Variants in COL26A1 observed in about 807,000 individuals in gnomAD.
The protein encoded by COL26A1 is collagen alpha-1(XXVI) chain.
COL26A1 carries 41 observed loss-of-function variants against 59.3 expected under a neutral mutation model. The observed-to-expected ratio is 0.69, with a 90% CI of 0.54 to 0.90. The LOEUF is 0.90. Among genes scored for constraint, COL26A1 ranks in the 40% least tolerant of loss-of-function variants. COL26A1 has a pLI of 0.00. For missense variants in COL26A1, 612 were observed against 602.3 expected, an observed-to-expected ratio of 1.02 and a Z score of -0.17; for synonymous variants, 266 against 256.0, an observed-to-expected ratio of 1.04 and a Z score of -0.37.
At chr7:101,388,687 C>A (rs1037846024) in intron 1 of COL26A1, among the ~76,000 whole-genome samples, 4 of 151,968 alleles carry the variant, frequency 2.6e-5, no homozygotes, top group African/African-American at 4.8e-5. Context: ...CCTCAGCCCC[C>A]CAACTAGCTG....
rs1792163120 is a variant in COL26A1, at chr7:101,407,832, T to G, written c.159-12145T>G. ...CCAGCAGTTAGCACCCCTTCAAAGT[T>G]ATCACCCGGAAGTTACCACTTAATC... is the stretch of plus-strand genomic sequence containing the variant. On this transcript the variant is annotated intron_variant, in intron 1 of 12. Transcript: ENST00000313669. Among the ~76,000 whole-genome samples, 5 of 152,152 alleles carry G rather than the reference T, an allele frequency of 3.3e-5. No individual in the cohort carries two copies. The South Asian group carries it at 1.0e-3, about 32-fold the overall frequency.
chr7:101,525,713 G>T (rs1001581524), intron 3 of COL26A1, among the ~76,000 whole-genome samples: 1 of 151,928 alleles, frequency 6.6e-6, no homozygotes, highest in African/African-American at 2.4e-5. Context: ...AGCCAGGATG[G>T]TCTCGATCTC....
chr7:101,389,307 ATTG>A (rs1358350610), intron 1 of COL26A1, among the ~76,000 whole-genome samples: 1 of 149,078 alleles, frequency 6.7e-6, no homozygotes, highest in African/African-American at 2.5e-5. Context: ...TTGTTTCTAT[ATTG>A]TTGTTGAGTT....
At chr7:101,440,339 C>T (rs751575977) in intron 2 of COL26A1, among the ~76,000 whole-genome samples, 19 of 152,098 alleles carry the variant, frequency 1.2e-4, no homozygotes, top group Non-Finnish European at 2.8e-4. Context: ...ACACTCCAGC[C>T]GGGGCAACAG....
intron 4 of COL26A1, among the ~76,000 whole-genome samples, chr7:101,534,968 C>T (rs965232477): frequency 2.4e-4 from 36 of 152,358 alleles, no homozygotes; most frequent in African/African-American, 8.4e-4. Context: ...CTGTCACCCA[C>T]GCCAGCCACG....
At chr7:101,493,452 C>G (rs748772774) in intron 3 of COL26A1, among the ~76,000 whole-genome samples, 50 of 152,106 alleles carry the variant, frequency 3.3e-4, no homozygotes, top group Non-Finnish European at 6.0e-4. Flanking sequence ...TTCAAGTCCT[C>G]ACCACACTAG....
chr7:101,464,909 G>T (rs903589540), intron 3 of COL26A1, among the ~76,000 whole-genome samples: 1 of 148,986 alleles, frequency 6.7e-6, no homozygotes, highest in South Asian at 2.1e-4. Context: ...GCGGGGTCTC[G>T]CTATGTTGCC....
chr7:101,489,711 TTCATTCTTTCTTTCTCTCTCTCTTTCTC>T (rs1794366864), intron 3 of COL26A1, among the ~76,000 whole-genome samples: 2 of 103,130 alleles, frequency 1.9e-5, no homozygotes, highest in African/African-American at 6.4e-5. Context: ...CTTTCTTTCT[TTCATTCTTTCTTTCTCTCTCTCTTTCTC>T]TCTTTCTTTC....
At position 101,366,474 on chromosome 7, in the gene COL26A1, ATTTTTTTTTTTTTTTTTTTTTTT is replaced by A. The variant is rs869149636; in HGVS notation, c.158+3305_158+3327del. 1.7e-4 allele frequency among the ~76,000 whole-genome samples: 13 copies of A among 76,276 alleles called. 1 individual carries two copies. Among genetic ancestry groups the A allele is most frequent in the East Asian group, 1.5e-3 (4 of 2,726 alleles). 50.0% of individuals were successfully genotyped at this position (76,276 alleles called of 152,430 possible). A position where few individuals can be genotyped will look rare whatever the true frequency, so the allele number is the denominator to read the frequency against. On this transcript the variant is annotated intron_variant, in intron 1 of 12. Transcript: ENST00000313669. ...TGTTACTGCTCCTTGTTAACGTCTG[ATTTTTTTTTTTTTTTTTTTTTTT>A]TTTTTTTTTTTTTTTTTTTTAAAGA... is the stretch of plus-strand genomic sequence containing the variant.
At chr7:101,462,692 T>G (rs1562992588) in intron 3 of COL26A1, among the ~76,000 whole-genome samples, 1 of 152,116 alleles carries the variant, frequency 6.6e-6, no homozygotes, top group Non-Finnish European at 1.5e-5. Flanking sequence ...TTCCCCGTAC[T>G]GTTTACTGGG....
intron 3 of COL26A1, among the ~76,000 whole-genome samples, chr7:101,496,976 G>C (rs140425239): frequency 6.6e-6 from 1 of 152,130 alleles, no homozygotes; most frequent in African/African-American, 2.4e-5. Flanking sequence ...AATGGCTCAC[G>C]CCTGTAATCC....
At chr7:101,500,316 T>C (rs938658106) in intron 3 of COL26A1, among the ~76,000 whole-genome samples, 2 of 152,164 alleles carry the variant, frequency 1.3e-5, no homozygotes, top group African/African-American at 2.4e-5. Flanking sequence ...GGCTCATAGC[T>C]GCCTTTCTCT....
intron 1 of COL26A1, among the ~76,000 whole-genome samples, chr7:101,381,047 T>A (rs185924243): frequency 6.6e-6 from 1 of 152,326 alleles, no homozygotes; most frequent in Admixed American, 6.5e-5. Context: ...TAGATTCGTT[T>A]TGCTGCTGTA....
At chr7:101,539,272 TTCTG>T (rs1197265016) in intron 4 of COL26A1, among the ~76,000 whole-genome samples, 264 of 151,088 alleles carry the variant, frequency 1.7e-3, no homozygotes, top group African/African-American at 6.2e-3. Context: ...TCCCTTCCTT[TTCTG>T]TCTGTGTGTG....
intron 3 of COL26A1, among the ~76,000 whole-genome samples, chr7:101,529,575 G>A (rs1394343133): frequency 6.6e-6 from 1 of 152,018 alleles, no homozygotes; most frequent in Non-Finnish European, 1.5e-5. Context: ...CCCAAATGTT[G>A]AACACTGTAC....
intron 3 of COL26A1, among the ~76,000 whole-genome samples, chr7:101,475,274 TG>T (rs58404488): frequency 0.098 from 14,853 of 152,050 alleles, 1,586 homozygotes; most frequent in African/African-American, 0.26. Context: ...TCTGTGTCCC[TG>T]TGTCCTCAGA....
intron 3 of COL26A1, among the ~76,000 whole-genome samples, chr7:101,455,937 C>T (rs1467909566): frequency 3.3e-5 from 5 of 151,842 alleles, no homozygotes; most frequent in Admixed American, 6.6e-5. Flanking sequence ...CCGCCTGCCT[C>T]GGCCTCCCAA....
At chr7:101,499,144 C>T (rs1303792331) in intron 3 of COL26A1, among the ~76,000 whole-genome samples, 2 of 152,102 alleles carry the variant, frequency 1.3e-5, no homozygotes, top group South Asian at 2.1e-4. Context: ...CTGGAGTTCG[C>T]GGGGATCCCT....
At chr7:101,498,519 T>C (rs1760153474) in intron 3 of COL26A1, among the ~76,000 whole-genome samples, 1 of 152,154 alleles carries the variant, frequency 6.6e-6, no homozygotes, top group Non-Finnish European at 1.5e-5. Context: ...TCACACTGGC[T>C]CTGAGCACCT....
Sources: gnomAD v4.1 joint callset for allele counts (sites outside exome capture counted in the v4.1 genomes callset) on GRCh38, gnomAD v4.1.1 for gene constraint, MANE v1.5 for transcripts, NCBI Gene and HGNC (gene_info 2026-07-23, HGNC 2026-07-21) for gene names.